Variants in RASSF3 observed in about 807,000 individuals in gnomAD.
RASSF3 encodes the protein Ras association domain family member 3, also known as ras association domain-containing protein 3.
In RASSF3, 19 loss-of-function variants were observed where a neutral mutation model predicts 19.9. The observed-to-expected ratio is 0.96, with a 90% CI of 0.67 to 1.40. The LOEUF (loss-of-function observed/expected upper bound fraction) is 1.40. Ranked by LOEUF, RASSF3 falls within the 40% of genes most tolerant of loss-of-function variation. The pLI, the probability that RASSF3 is intolerant of heterozygous loss-of-function variation, is 0.00. For missense variants in RASSF3, 306 were observed against 289.8 expected (o/e 1.06, Z -0.41); for synonymous variants, 110 against 104.2 (o/e 1.06, Z -0.34).
chr12:64,618,928 TA>T (rs534290918), intron 1 of RASSF3, among the ~76,000 whole-genome samples: 252 of 150,006 alleles, frequency 1.7e-3, no homozygotes, highest in Admixed American at 2.8e-3. Flanking sequence ...AGTATAATAA[TA>T]AAAAAAAAGA....
At chr12:64,539,403 A>T (rs557746149) in intron 1 of RASSF3, among the ~76,000 whole-genome samples, 1 of 152,318 alleles carries the variant, frequency 6.6e-6, no homozygotes, top group South Asian at 2.1e-4. Flanking sequence ...TAAGTTTCCA[A>T]CACATGAAAT....
At chr12:64,523,019 G>C (rs1868510797) in intron 1 of RASSF3, among the ~76,000 whole-genome samples, 1 of 152,200 alleles carries the variant, frequency 6.6e-6, no homozygotes, top group Non-Finnish European at 1.5e-5. Context: ...GAAGAGTGCT[G>C]ACTCATGCCA....
intron 1 of RASSF3, among the ~76,000 whole-genome samples, chr12:64,656,621 T>G (rs1872169078): frequency 6.6e-6 from 1 of 152,178 alleles, no homozygotes; most frequent in Admixed American, 6.5e-5. Flanking sequence ...GGCCCTGACT[T>G]TGTGCAGTGA....
downstream of RASSF3, among the ~76,000 whole-genome samples, chr12:64,545,010 G>A (rs189635856): frequency 5.3e-5 from 8 of 152,338 alleles, no homozygotes; most frequent in Admixed American, 3.9e-4. Context: ...AATCTGTAAA[G>A]GGCATGAACA....
At chr12:64,665,812 G>T (rs1209130716) in intron 1 of RASSF3, among the ~76,000 whole-genome samples, 1 of 152,194 alleles carries the variant, frequency 6.6e-6, no homozygotes, top group East Asian at 1.9e-4. Flanking sequence ...CTACCGCAGG[G>T]TCGCTCTTCA....
intron 1 of RASSF3, among the ~76,000 whole-genome samples, chr12:64,528,024 C>G (rs900560330): frequency 5.9e-5 from 9 of 152,098 alleles, no homozygotes; most frequent in African/African-American, 2.2e-4. Flanking sequence ...ATTGGGAGGC[C>G]AAGGCAGGAG....
At chr12:64,604,892 C>T (rs969683736) in intron 2 of RASSF3, among the ~76,000 whole-genome samples, 11 of 150,800 alleles carry the variant, frequency 7.3e-5, no homozygotes, top group Admixed American at 2.6e-4. Flanking sequence ...CCCAAAGTGC[C>T]GGGATTACAG....
At chr12:64,659,814 G>A (rs143540908) in intron 1 of RASSF3, among the ~76,000 whole-genome samples, 97 of 152,124 alleles carry the variant, frequency 6.4e-4, no homozygotes, top group African/African-American at 2.3e-3. Flanking sequence ...TGGATGTGGT[G>A]GTGCATGCCT....
chr12:64,631,818 G>A (rs746926804), intron 1 of RASSF3, among the ~76,000 whole-genome samples: 3 of 151,930 alleles, frequency 2.0e-5, no homozygotes, highest in Non-Finnish European at 4.4e-5. Context: ...CAGGTTATCC[G>A]CCCACCTCGG....
intron 1 of RASSF3, chr12:64,611,357 G>A (rs1870358239): frequency 6.6e-6 from 1 of 152,294 alleles, no homozygotes; most frequent in Admixed American, 6.5e-5. Flanking sequence ...GTGCCCAGAT[G>A]TTTTGCAAAC....
At chr12:64,556,920 T>A (rs539684158) in intron 2 of RASSF3, among the ~76,000 whole-genome samples, 1 of 143,840 alleles carries the variant, frequency 7.0e-6, no homozygotes, top group South Asian at 2.3e-4. Flanking sequence ...CACTGCAACC[T>A]CTGCTTCCCG....
chr12:64,674,157 A>C (rs75947648), intron 1 of RASSF3, among the ~76,000 whole-genome samples: 1 of 152,300 alleles, frequency 6.6e-6, no homozygotes, highest in Non-Finnish European at 1.5e-5. Context: ...TTGTTCTTTG[A>C]TGATGCACAT....
At chr12:64,541,835 T>C (rs1868939398), downstream of RASSF3, 1 of 395,000 alleles carries the variant, frequency 2.5e-6, no homozygotes, top group African/African-American at 2.1e-5. Context: ...GGTTCATTCA[T>C]TGCCATTGCT....
chr12:64,516,383 G>T (rs1176631555), intron 1 of RASSF3, among the ~76,000 whole-genome samples: 1 of 152,102 alleles, frequency 6.6e-6, no homozygotes, highest in Non-Finnish European at 1.5e-5. Context: ...ACTTTGGGAG[G>T]CCGAGGCGGG....
chr12:64,628,220 G>A (rs1173427915), intron 1 of RASSF3: 1 of 152,070 alleles, frequency 6.6e-6, no homozygotes, highest in African/African-American at 2.4e-5. Context: ...TTCTAAGAAT[G>A]GATTTCATGT....
chr12:64,515,988 A>G (rs73315536), intron 1 of RASSF3, among the ~76,000 whole-genome samples: 3,646 of 152,328 alleles, frequency 0.024, 133 homozygotes, highest in African/African-American at 0.083. Flanking sequence ...AATTCACCAT[A>G]TCAATGGATT....
At chr12:64,618,537 C>T (rs1459539607) in intron 1 of RASSF3, among the ~76,000 whole-genome samples, 1 of 152,060 alleles carries the variant, frequency 6.6e-6, no homozygotes, top group East Asian at 1.9e-4. Flanking sequence ...CCATGTTGGC[C>T]AGACTGGTCT....
At chr12:64,663,004 T>C (rs1277865083) in intron 1 of RASSF3, among the ~76,000 whole-genome samples, 1 of 152,200 alleles carries the variant, frequency 6.6e-6, no homozygotes, top group African/African-American at 2.4e-5. Context: ...ACATATATAA[T>C]GTACTGTGCC....
chr12:64,682,850 T>C lies in RASSF3; in HGVS notation c.112-1937T>C, dbSNP rs139904986. Among the ~76,000 whole-genome samples the C allele has an allele frequency of 3.8e-3, 578 of 152,304 alleles. 7 individuals are homozygous for C. The highest frequency in any genetic ancestry group is 0.013 in the African/African-American group (539 of 41,570). ...TTACAAAGGCTTTATTTTGCAGGAGTAAATCATTGGATTTTAACTGTTCTT... is the reference window on the plus strand; with the variant it reads ...TTACAAAGGCTTTATTTTGCAGGAGCAAATCATTGGATTTTAACTGTTCTT... On this transcript the variant is annotated intron_variant, in intron 1 of 4. Coordinates refer to ENST00000542104, the MANE Select transcript of RASSF3 (RefSeq NM_178169.4).
Sources: allele counts gnomAD v4.1 joint callset (sites outside exome capture counted in the v4.1 genomes callset), GRCh38; gene constraint gnomAD v4.1.1; transcripts MANE v1.5; gene names NCBI Gene and HGNC (gene_info 2026-07-23, HGNC 2026-07-21).